The following CAMK1D variants were observed in gnomAD, a reference collection of about 807,000 sequenced individuals.
The protein encoded by CAMK1D is calcium/calmodulin dependent protein kinase ID, also known as calcium/calmodulin-dependent protein kinase type 1D.
In CAMK1D, 9 loss-of-function variants were observed where a neutral mutation model predicts 47.7. The ratio of observed to expected loss-of-function variants is 0.19; its 90% CI spans 0.11 to 0.33. The LOEUF (loss-of-function observed/expected upper bound fraction) is 0.33. CAMK1D is among the 10% of genes least tolerant of loss of function. The pLI is 1.00. For missense variants in CAMK1D, 291 were observed against 488.7 expected (o/e 0.60, Z 3.81); for synonymous variants, 184 against 184.9 (o/e 0.99, Z 0.04).
intron 3 of CAMK1D, among the ~76,000 whole-genome samples, chr10:12,708,727 T>G (rs1263018208): frequency 6.6e-6 from 1 of 152,210 alleles, no homozygotes; most frequent in African/African-American, 2.4e-5. Context: ...TTTTCTTCTA[T>G]TCATTTTGAG....
intron 1 of CAMK1D, among the ~76,000 whole-genome samples, chr10:12,399,566 A>G (rs759569502): frequency 2.6e-5 from 4 of 152,084 alleles, no homozygotes; most frequent in Non-Finnish European, 5.9e-5. Context: ...TAGGAGCCAC[A>G]CCATGGCTTA....
intron 1 of CAMK1D, among the ~76,000 whole-genome samples, chr10:12,477,082 G>T (rs926922546): frequency 1.3e-5 from 2 of 152,066 alleles, no homozygotes; most frequent in African/African-American, 4.8e-5. Flanking sequence ...GCCAATGCCC[G>T]GGGCATGGGA....
At chr10:12,417,875 C>T (rs1839908270) in intron 1 of CAMK1D, among the ~76,000 whole-genome samples, 1 of 151,740 alleles carries the variant, frequency 6.6e-6, no homozygotes, top group South Asian at 2.1e-4. Context: ...GATCTTGGCT[C>T]ACTGCAACCT....
intron 6 of CAMK1D, among the ~76,000 whole-genome samples, chr10:12,808,600 A>G (rs1410110339): frequency 9.9e-5 from 15 of 152,072 alleles, no homozygotes; most frequent in Admixed American, 9.8e-4. Context: ...CAACATGGTG[A>G]AACCTCATCT....
intron 1 of CAMK1D, among the ~76,000 whole-genome samples, chr10:12,385,908 G>C (rs925059535): frequency 6.6e-6 from 1 of 152,076 alleles, no homozygotes; most frequent in Non-Finnish European, 1.5e-5. Flanking sequence ...CACCGCGCCT[G>C]GCTATTTTTG....
chr10:12,510,647 A>C (rs1183169591), intron 1 of CAMK1D, among the ~76,000 whole-genome samples: 1 of 152,158 alleles, frequency 6.6e-6, no homozygotes, highest in Non-Finnish European at 1.5e-5. Context: ...CACCTCCGGG[A>C]CCCCCCTACG....
chr10:12,528,183 C>T (rs1384843905), intron 1 of CAMK1D, among the ~76,000 whole-genome samples: 1 of 152,152 alleles, frequency 6.6e-6, no homozygotes. Flanking sequence ...GCTAGTTAGT[C>T]AAGGAATGAT....
chr10:12,533,067 T>A (rs1835860880), intron 1 of CAMK1D, among the ~76,000 whole-genome samples: 1 of 152,162 alleles, frequency 6.6e-6, no homozygotes, highest in African/African-American at 2.4e-5. Flanking sequence ...CATTTTAAAA[T>A]AAAAGACTAT....
chr10:12,685,539 C>T (rs1161064776), intron 3 of CAMK1D, among the ~76,000 whole-genome samples: 7 of 152,246 alleles, frequency 4.6e-5, no homozygotes, highest in Admixed American at 3.3e-4. Context: ...CTAAGAAGTA[C>T]GACTTGCTTA....
At chr10:12,536,538 C>G (rs969108361) in intron 1 of CAMK1D, among the ~76,000 whole-genome samples, 10 of 152,206 alleles carry the variant, frequency 6.6e-5, no homozygotes, top group Non-Finnish European at 1.2e-4. Context: ...CTCGGCCTCC[C>G]ACAGTGCTGG....
At chr10:12,623,863 G>C (rs1412316739) in intron 2 of CAMK1D, among the ~76,000 whole-genome samples, 1 of 152,278 alleles carries the variant, frequency 6.6e-6, no homozygotes, top group Non-Finnish European at 1.5e-5. Flanking sequence ...TGGATCACTT[G>C]AGGTCAGCAG....
At position 12,615,784 on chromosome 10, in the gene CAMK1D, GTA is replaced by G. The variant is rs536932633; in HGVS notation, c.225-50951_225-50950del. Among the ~76,000 whole-genome samples the G allele has an allele frequency of 1.6e-4, 25 of 151,690 alleles. 2 individuals carry two copies. In the South Asian group the frequency reaches 5.2e-3, roughly 32 times the overall value. ...CGTAGGTGTGTGTAAGTGCATGTGT[GTA>G]GTGTGTAGGTATGTGTTGTGTGCGT... is the stretch of plus-strand genomic sequence containing the variant. On this transcript the variant is annotated intron_variant, in intron 2 of 10. Coordinates refer to ENST00000619168, the MANE Select transcript of CAMK1D (RefSeq NM_153498.4).
intron 1 of CAMK1D, among the ~76,000 whole-genome samples, chr10:12,485,231 C>T (rs1397129090): frequency 2.6e-5 from 4 of 152,070 alleles, no homozygotes; most frequent in East Asian, 3.9e-4. Flanking sequence ...TGAGTGAGAC[C>T]GAGCTAGGGG....
chr10:12,592,575 A>T (rs148124249), intron 2 of CAMK1D, among the ~76,000 whole-genome samples: 96 of 152,276 alleles, frequency 6.3e-4, no homozygotes, highest in African/African-American at 2.2e-3. Flanking sequence ...TGATGTGTCC[A>T]ACTGACGTTT....
intron 1 of CAMK1D, among the ~76,000 whole-genome samples, chr10:12,392,254 A>G (rs1180148987): frequency 2.0e-5 from 3 of 152,142 alleles, no homozygotes; most frequent in Admixed American, 2.0e-4. Context: ...GTGAGCCGAG[A>G]TGGTGCCATT....
intron 2 of CAMK1D, among the ~76,000 whole-genome samples, chr10:12,630,659 TC>T (rs1269657464): frequency 6.6e-6 from 1 of 152,130 alleles, no homozygotes; most frequent in Non-Finnish European, 1.5e-5. Flanking sequence ...CCTCAAGTGA[TC>T]CTCCCACCTT....
rs911884675 is a variant in CAMK1D at position 12,363,091 on chromosome 10, C to T, written c.92+13181C>T. 6.6e-5 allele frequency among the ~76,000 whole-genome samples: 10 copies of T among 151,824 alleles called. No homozygotes were observed. The East Asian group carries it at 1.9e-3, about 29-fold the overall frequency. On this transcript the variant is annotated intron_variant, in intron 1 of 10. Transcript: ENST00000619168. ...AAGTAGCTGTGACTACTGGTGCACG[C>T]CAGCACACCCAGCTAATTTTTGTAT...
At chr10:12,809,783 C>A (rs1004488014) in intron 6 of CAMK1D, among the ~76,000 whole-genome samples, 117 of 152,200 alleles carry the variant, frequency 7.7e-4, no homozygotes, top group Non-Finnish European at 1.4e-3. Flanking sequence ...TTCAGTGAAG[C>A]AAGATAAATG....
chr10:12,402,396 G>C, intron 1 of CAMK1D, among the ~76,000 whole-genome samples: 1 of 152,028 alleles, frequency 6.6e-6, no homozygotes, highest in East Asian at 1.9e-4. Context: ...ACCATGCCCA[G>C]CTAATTTTTG....
Sources: gnomAD v4.1 joint callset for allele counts (sites outside exome capture counted in the v4.1 genomes callset) on GRCh38, gnomAD v4.1.1 for gene constraint, MANE v1.5 for transcripts, NCBI Gene and HGNC (gene_info 2026-07-23, HGNC 2026-07-21) for gene names.